The following KIRREL3 variants were observed in gnomAD, a reference collection of about 807,000 sequenced individuals.
The protein encoded by KIRREL3 is kirre like nephrin family adhesion molecule 3, also known as kin of IRRE-like protein 3.
In KIRREL3, 36 loss-of-function variants were observed where a neutral mutation model predicts 89.7. That is an observed-to-expected ratio of 0.40 (90% CI 0.31 to 0.53). The LOEUF is 0.53. Ranked by LOEUF, KIRREL3 falls within the 20% of genes least tolerant of loss-of-function variation. The pLI is 0.49. For missense variants in KIRREL3, 864 were observed against 1,056.6 expected (o/e 0.82, Z 2.53); for synonymous variants, 445 against 441.4 (o/e 1.01, Z -0.10).
chr11:126,862,478 T>A (rs1004740210), intron 1 of KIRREL3, among the ~76,000 whole-genome samples: 6 of 152,192 alleles, frequency 3.9e-5, no homozygotes, highest in Non-Finnish European at 8.8e-5. Context: ...GCTGGGTAAA[T>A]CTGATCCATC....
rs1012574356 is a variant in KIRREL3, at chr11:126,797,101, A to G, written c.55+203354T>C. 6.6e-6 allele frequency among the ~76,000 whole-genome samples: 1 copy of G among 152,186 alleles called. No individual in the cohort carries two copies. Among genetic ancestry groups the G allele is most frequent in the Non-Finnish European group, 1.5e-5 (1 of 68,028 alleles). ...AGAAGAAGCCTCATTCAGATCCCCC[A>G]GAGCCCACATTCGGGGCCACCTGGA... On this transcript the variant is annotated intron_variant, in intron 1 of 16. Coordinates refer to ENST00000525144, the MANE Select transcript of KIRREL3 (RefSeq NM_032531.4). This position sits in a 1 kb window ranked among gnomAD's most constrained non-coding sequence, Gnocchi z 4.9.
intron 1 of KIRREL3, among the ~76,000 whole-genome samples, chr11:126,599,942 C>T (rs1445830487): frequency 6.6e-6 from 1 of 152,216 alleles, no homozygotes; most frequent in Admixed American, 6.5e-5. Context: ...CTGTGTGCTC[C>T]CTTCCCTTGA....
chr11:126,698,743 G>A (rs976937972), intron 1 of KIRREL3, among the ~76,000 whole-genome samples: 13 of 152,328 alleles, frequency 8.5e-5, no homozygotes, highest in African/African-American at 2.4e-4. Context: ...GCTGCCCAGC[G>A]CCCAAATCCA....
At position 126,523,351 on chromosome 11, in the gene KIRREL3, G is replaced by C. The variant is rs1026658639; in HGVS notation, c.284-1887C>G. ...TCTGGAGGTGGGGCAGGCCTCCCTG[G>C]GGGTGGGCTGTACAACGGGCCACCA... On this transcript the variant is annotated intron_variant, in intron 3 of 16. Coordinates refer to ENST00000525144, the MANE Select transcript of KIRREL3 (RefSeq NM_032531.4). This position sits in a 1 kb window ranked among gnomAD's most constrained non-coding sequence, Gnocchi z 4.9. Among the ~76,000 whole-genome samples, 1 of 152,138 alleles carries C rather than the reference G, an allele frequency of 6.6e-6. No individual in the cohort carries two copies. Among genetic ancestry groups the C allele is most frequent in the Admixed American group, 6.5e-5 (1 of 15,288 alleles).
intron 7 of KIRREL3, among the ~76,000 whole-genome samples, chr11:126,450,392 G>GCAT (rs1956005258): frequency 7.5e-6 from 1 of 134,124 alleles, no homozygotes; most frequent in African/African-American, 2.7e-5. Flanking sequence ...TGTGAGTGTG[G>GCAT]GTATGTGTGA....
At chr11:126,674,304 C>CATCCAGGT (rs1946090130) in intron 1 of KIRREL3, among the ~76,000 whole-genome samples, 2 of 152,236 alleles carry the variant, frequency 1.3e-5, no homozygotes, top group African/African-American at 2.4e-5. Flanking sequence ...AGGTGATCTC[C>CATCCAGGT]ATCCAGGTTT....
chr11:126,800,464 C>G (rs1277676004), intron 1 of KIRREL3, among the ~76,000 whole-genome samples: 1 of 152,160 alleles, frequency 6.6e-6, no homozygotes, highest in African/African-American at 2.4e-5. Context: ...ATAAGTGGTA[C>G]AGAAGGCAGG....
Position 126,764,755 on chromosome 11 carries a change from G to A in KIRREL3, c.56-201843C>T, listed in dbSNP as rs1949768395. On this transcript the variant is annotated intron_variant, in intron 1 of 16. Coordinates refer to ENST00000525144, the MANE Select transcript of KIRREL3 (RefSeq NM_032531.4). The surrounding 1 kb of genome is among the most constrained non-coding windows in gnomAD (Gnocchi z 4.2). The stretch of plus-strand genomic sequence containing the variant: ...GGAACATACTATCCAGCTTCTTAGG[G>A]CCTGTGCTGTAAGCCTCCGGGGCCA... Among the ~76,000 whole-genome samples, 1 of 152,106 alleles carries A rather than the reference G, an allele frequency of 6.6e-6. No homozygotes were observed. Among genetic ancestry groups the A allele is most frequent in the Non-Finnish European group, 1.5e-5 (1 of 68,024 alleles).
rs553254350 is a variant in KIRREL3 at position 126,965,195 on chromosome 11, T to G, written c.55+35260A>C. On this transcript the variant is annotated intron_variant, in intron 1 of 16. Transcript: ENST00000525144. The surrounding 1 kb of genome is among the most constrained non-coding windows in gnomAD (Gnocchi z 4.4). ...AAGGTCTACAGAACAGTGTCTTAAT[T>G]AACATTCCTGGTCAAATTAATAAGT... is the stretch of plus-strand genomic sequence containing the variant. 1.3e-5 allele frequency among the ~76,000 whole-genome samples: 2 copies of G among 152,350 alleles called. No individual in the cohort carries two copies. The highest frequency in any genetic ancestry group is 4.8e-5 in the African/African-American group (2 of 41,594).
rs551160219 is a variant in KIRREL3 at position 126,609,121 on chromosome 11, G to A, written c.56-46209C>T. 1.3e-5 allele frequency among the ~76,000 whole-genome samples: 2 copies of A among 152,264 alleles called. No individual in the cohort carries two copies. Among genetic ancestry groups the A allele is most frequent in the African/African-American group, 2.4e-5 (1 of 41,538 alleles). On this transcript the variant is annotated intron_variant, in intron 1 of 16. Transcript: ENST00000525144. This position sits in a 1 kb window ranked among gnomAD's most constrained non-coding sequence, Gnocchi z 5.0. The stretch of plus-strand genomic sequence containing the variant: ...GAATTGTGCTGAATTGAGGAGCACT[G>A]CAGCGAGACCTGACCACCGCCCAGC...
In KIRREL3 at chr11:126,526,445, C is replaced by T. The variant is rs1287182713; in HGVS notation, c.283+93G>A. ...GAAAGCTAGAGATTCGATACTCAGA[C>T]ACCTGTGAAGATGGGTGCTCCCTAG... On this transcript the variant is annotated intron_variant, in intron 3 of 16. Coordinates refer to ENST00000525144, the MANE Select transcript of KIRREL3 (RefSeq NM_032531.4). This position sits in a 1 kb window ranked among gnomAD's most constrained non-coding sequence, Gnocchi z 5.7. 6.4e-6 allele frequency: 8 copies of T among 1,246,636 alleles called. 1 individual carries two copies. The highest frequency in any genetic ancestry group is 2.9e-5 in the South Asian group (2 of 68,446). 77.2% of individuals were successfully genotyped at this position (1,246,636 alleles called of 1,614,324 possible).
rs748656812 is a variant in KIRREL3, at chr11:126,704,147, G to T, written c.56-141235C>A. The stretch of plus-strand genomic sequence containing the variant: ...TGCTCTTGATATGTATGCCCAGAAG[G>T]CTGTCACACAATCTTGCACACACCC... On this transcript the variant is annotated intron_variant, in intron 1 of 16. Transcript: ENST00000525144. This position sits in a 1 kb window ranked among gnomAD's most constrained non-coding sequence, Gnocchi z 4.2. 8.5e-5 allele frequency among the ~76,000 whole-genome samples: 13 copies of T among 152,202 alleles called. No homozygotes were observed. The highest frequency in any genetic ancestry group is 1.6e-4 in the Non-Finnish European group (11 of 68,042).
At position 126,904,265 on chromosome 11, in the gene KIRREL3, A is replaced by G. The variant is rs1946486818; in HGVS notation, c.55+96190T>C. Among the ~76,000 whole-genome samples the G allele has an allele frequency of 1.3e-5, 2 of 152,224 alleles. No homozygotes were observed. The highest frequency in any genetic ancestry group is 4.1e-4 in the South Asian group (2 of 4,832). On this transcript the variant is annotated intron_variant, in intron 1 of 16. Coordinates refer to ENST00000525144, the MANE Select transcript of KIRREL3 (RefSeq NM_032531.4). This position sits in a 1 kb window ranked among gnomAD's most constrained non-coding sequence, Gnocchi z 4.4. ...TATTCCAAGTTTCATTTAGCACAAC[A>G]TATAGATGGTTTAAATCTACATTCA...
In KIRREL3 at chr11:126,523,626, G is replaced by A. The variant is rs1383432004; in HGVS notation, c.284-2162C>T. Among the ~76,000 whole-genome samples, 1 of 152,126 alleles carries A rather than the reference G, an allele frequency of 6.6e-6. No homozygotes were observed. Among genetic ancestry groups the A allele is most frequent in the African/African-American group, 2.4e-5 (1 of 41,408 alleles). On this transcript the variant is annotated intron_variant, in intron 3 of 16. Transcript: ENST00000525144. This position sits in a 1 kb window ranked among gnomAD's most constrained non-coding sequence, Gnocchi z 4.9. Reference sequence around the variant, plus strand: ...GCCCACACTTCCCGCCTTCTGCTGGGCTTTGGGAATGAGCCCAGGTAAGTT... The same window carrying A: ...GCCCACACTTCCCGCCTTCTGCTGGACTTTGGGAATGAGCCCAGGTAAGTT...
intron 1 of KIRREL3, among the ~76,000 whole-genome samples, chr11:126,691,107 C>A (rs1286150842): frequency 6.6e-6 from 1 of 152,174 alleles, no homozygotes; most frequent in Non-Finnish European, 1.5e-5. Context: ...ACCAATCTCA[C>A]CCACTCGGCT....
chr11:126,987,976 G>A lies in KIRREL3; in HGVS notation c.55+12479C>T, dbSNP rs943212221. 6.6e-6 allele frequency among the ~76,000 whole-genome samples: 1 copy of A among 152,138 alleles called. No individual in the cohort carries two copies. The highest frequency in any genetic ancestry group is 1.5e-5 in the Non-Finnish European group (1 of 68,026). On this transcript the variant is annotated intron_variant, in intron 1 of 16. Transcript: ENST00000525144. The surrounding 1 kb of genome is among the most constrained non-coding windows in gnomAD (Gnocchi z 4.6). ...ACACTCAGGCTCTCCTACATTCTAA[G>A]AGTCTTTTTATTTCCCCCTAATAAC...
In KIRREL3 at chr11:126,553,823, G is replaced by A. The variant is rs1939477197; in HGVS notation, c.133+9012C>T. On this transcript the variant is annotated intron_variant, in intron 2 of 16. Transcript: ENST00000525144. This position sits in a 1 kb window ranked among gnomAD's most constrained non-coding sequence, Gnocchi z 4.7. ...TGATTCAGTAAAACCTAAACACAGA[G>A]GCCTCTACCATTGTTCATTTTTTTC... Among the ~76,000 whole-genome samples the A allele has an allele frequency of 6.6e-6, 1 of 152,128 alleles. No individual in the cohort carries two copies. Among genetic ancestry groups the A allele is most frequent in the Non-Finnish European group, 1.5e-5 (1 of 68,036 alleles).
In KIRREL3 at chr11:126,997,548, A is replaced by AAATATTACT. The variant is rs1565488702; in HGVS notation, c.55+2906_55+2907insAGTAATATT. Among the ~76,000 whole-genome samples the AAATATTACT allele has an allele frequency of 1.9e-4, 29 of 152,260 alleles. No homozygotes were observed. Among genetic ancestry groups the AAATATTACT allele is most frequent in the Admixed American group, 1.3e-4 (2 of 15,310 alleles). ...CTACATGAAAAGCCCAAACTTTCAA[A>AAATATTACT]GAATAGGGACCCACCATATTACTGA... On this transcript the variant is annotated intron_variant, in intron 1 of 16. Coordinates refer to ENST00000525144, the MANE Select transcript of KIRREL3 (RefSeq NM_032531.4). This position sits in a 1 kb window ranked among gnomAD's most constrained non-coding sequence, Gnocchi z 4.3.
At chr11:126,596,109 G>C (rs1194187570) in intron 1 of KIRREL3, among the ~76,000 whole-genome samples, 2 of 152,174 alleles carry the variant, frequency 1.3e-5, no homozygotes, top group Non-Finnish European at 2.9e-5. Context: ...AAAGCCCTAC[G>C]AGCCTGGCTG....
Sources: allele counts gnomAD v4.1 joint callset (sites outside exome capture counted in the v4.1 genomes callset), GRCh38; gene constraint gnomAD v4.1.1; non-coding constraint Gnocchi (gnomAD v3.1); transcripts MANE v1.5; gene names NCBI Gene and HGNC (gene_info 2026-07-23, HGNC 2026-07-21).